The following MAK variants were observed in gnomAD, a reference collection of about 807,000 sequenced individuals.
MAK encodes the protein serine/threonine-protein kinase MAK.
In MAK, 65 loss-of-function variants were observed where a neutral mutation model predicts 82.6. The ratio of observed to expected loss-of-function variants is 0.79; its 90% CI spans 0.64 to 0.97. MAK has a LOEUF of 0.97. Among genes scored for constraint, MAK ranks in the 50% least tolerant of loss-of-function variants. MAK has a pLI of 0.00. For synonymous variants in MAK, 250 were observed against 274.2 expected (o/e 0.91, Z 0.87); for missense variants, 703 against 780.2 (o/e 0.90, Z 1.18).
chr6:10,835,276 G>A (rs529636536), intron 1 of MAK, among the ~76,000 whole-genome samples: 36 of 152,296 alleles, frequency 2.4e-4, no homozygotes, highest in African/African-American at 7.9e-4. Flanking sequence ...CCACCACCCT[G>A]ACCAATCTCC....
At chr6:10,790,260 A>T (rs1309348183) in intron 10 of MAK, among the ~76,000 whole-genome samples, 1 of 152,088 alleles carries the variant, frequency 6.6e-6, no homozygotes, top group Non-Finnish European at 1.5e-5. Flanking sequence ...TTATCCAAGC[A>T]AAAAAAGAAT....
chr6:10,792,115 C>T (rs1191599951), intron 9 of MAK, among the ~76,000 whole-genome samples: 1 of 148,034 alleles, frequency 6.8e-6, no homozygotes, highest in Middle Eastern at 3.2e-3. Flanking sequence ...TCTTCATTGA[C>T]AGGAAGGATC....
At chr6:10,765,493 C>T (rs1772340401) in intron 14 of MAK, among the ~76,000 whole-genome samples, 2 of 141,958 alleles carry the variant, frequency 1.4e-5, no homozygotes. Flanking sequence ...GAGTTTCGCC[C>T]TTGTTGCCCA....
chr6:10,770,501 C>T (rs1388777962), intron 13 of MAK, among the ~76,000 whole-genome samples: 1 of 152,138 alleles, frequency 6.6e-6, no homozygotes, highest in Non-Finnish European at 1.5e-5. Context: ...GGTCTGAACT[C>T]AAGGCCCAGG....
rs568437809 is a variant in MAK at position 10,783,681 on chromosome 6, T to C, written c.1465+743A>G. Among the ~76,000 whole-genome samples the C allele has an allele frequency of 2.2e-4, 34 of 152,294 alleles. 2 individuals carry two copies. The South Asian group carries it at 7.0e-3, about 32-fold the overall frequency. Reference sequence around the variant, plus strand: ...TCTTAGCCAGTGTCTTTGCCTCTCTTGAGTTCCCAGCATGCTCTTCCGAGC... The same window carrying C: ...TCTTAGCCAGTGTCTTTGCCTCTCTCGAGTTCCCAGCATGCTCTTCCGAGC... On this transcript the variant is annotated intron_variant, in intron 11 of 14. Coordinates refer to ENST00000354489, the MANE Select transcript of MAK (RefSeq NM_001242957.3).
At chr6:10,817,779 GTA>G (rs1777606788) in intron 4 of MAK, 69 bp downstream of exon 4, 9 of 1,221,578 alleles carry the variant, frequency 7.4e-6, no homozygotes, top group Non-Finnish European at 2.3e-6. Context: ...CTCTCATAAA[GTA>G]TGACATATCA....
At chr6:10,804,618 C>T (rs1481116786) in intron 6 of MAK, among the ~76,000 whole-genome samples, 1 of 152,200 alleles carries the variant, frequency 6.6e-6, no homozygotes, top group African/African-American at 2.4e-5. Context: ...GCTGAGATTA[C>T]AGGCATGAGC....
intron 5 of MAK, among the ~76,000 whole-genome samples, chr6:10,811,926 G>T (rs1340383386): frequency 1.3e-5 from 2 of 152,198 alleles, no homozygotes; most frequent in Non-Finnish European, 2.9e-5. Flanking sequence ...GAGGATGGGT[G>T]TGATGGCTCC....
At chr6:10,774,861 T>G (rs888910444) in intron 12 of MAK, among the ~76,000 whole-genome samples, 1 of 152,252 alleles carries the variant, frequency 6.6e-6, no homozygotes, top group Non-Finnish European at 1.5e-5. Flanking sequence ...GTGAGAAGTC[T>G]TCTTTTCAGA....
intron 8 of MAK, 72 bp from the exon 9 acceptor site, chr6:10,796,381 G>T (rs1366609217): frequency 7.6e-7 from 1 of 1,307,310 alleles, no homozygotes; most frequent in Non-Finnish European, 1.1e-6. Flanking sequence ...AACTATGGTT[G>T]GCCCTGTGCG....
At chr6:10,823,317 T>C (rs1307156949) in intron 2 of MAK, among the ~76,000 whole-genome samples, 1 of 152,200 alleles carries the variant, frequency 6.6e-6, no homozygotes, top group Admixed American at 6.5e-5. Context: ...ACATGGAACT[T>C]GTTAAATTCC....
intron 11 of MAK, among the ~76,000 whole-genome samples, chr6:10,781,833 C>T (rs1481632809): frequency 1.3e-5 from 2 of 152,020 alleles, no homozygotes; most frequent in Non-Finnish European, 2.9e-5. Context: ...ACAAACAAGA[C>T]CCAGGTTTTT....
In MAK at chr6:10,801,953, G is replaced by A. The variant is rs1320693719; in HGVS notation, c.770C>T (p.Ala257Val). The part of the protein sequence containing the change: ...KTLIPNASNE[A>V]IQLMTEMLNW... The stretch of plus-strand genomic sequence containing the variant: ...CAACATTTCGGTCATGAGCTGAATA[G>A]CTTCATTACTGGCATTGGGAATAAG... The change falls in exon 8 of 15, where the codon GCT becomes GTT. Residue 257 changes from alanine (A) to valine (V), a missense_variant. Ala to Val is a moderately conservative substitution (Grantham distance 64, BLOSUM62 0). Transcript: ENST00000354489. 1.2e-6 allele frequency: 2 copies of A among 1,613,960 alleles called. No individual in the cohort carries two copies. Among genetic ancestry groups the A allele is most frequent in the South Asian group, 1.1e-5 (1 of 91,074 alleles).
At position 10,773,035 on chromosome 6, in the gene MAK, T is replaced by C. The variant is rs552111002; in HGVS notation, c.1671A>G (p.Gln557=). Residue 557 remains glutamine, a splice_region_variant and synonymous_variant, in exon 13 of 15, where the codon CAA becomes CAG. Coordinates refer to ENST00000354489, the MANE Select transcript of MAK (RefSeq NM_001242957.3). The part of the protein sequence containing the change: ...ETFPEKLEDP[Q]GNLGSYATYN... ...ATTCATCTGACGCCCAGAAATTACC[T>C]TGTGGGTCCTCTAATTTTTCAGGAA... 6.8e-5 allele frequency: 104 copies of C among 1,526,696 alleles called. No individual in the cohort carries two copies. Among genetic ancestry groups the C allele is most frequent in the Non-Finnish European group, 8.4e-5 (96 of 1,138,684 alleles). The allele number at this position is 1,526,696 out of a possible 1,614,324, so 94.6% of individuals were successfully genotyped here. A position where few individuals can be genotyped will look rare whatever the true frequency, so the allele number is the denominator to read the frequency against.
At chr6:10,814,195 C>G (rs1360911307) in intron 4 of MAK, among the ~76,000 whole-genome samples, 1 of 151,924 alleles carries the variant, frequency 6.6e-6, no homozygotes, top group Non-Finnish European at 1.5e-5. Flanking sequence ...TCTTGAACTC[C>G]TGACCTCAGG....
intron 11 of MAK, among the ~76,000 whole-genome samples, chr6:10,778,572 G>A (rs1181233277): frequency 6.6e-6 from 1 of 152,114 alleles, no homozygotes; most frequent in Non-Finnish European, 1.5e-5. Context: ...GATCCTTGAA[G>A]AGGCAACAGT....
chr6:10,775,180 G>T, intron 12 of MAK, 148 bp downstream of exon 12: 1 of 861,408 alleles, frequency 1.2e-6, no homozygotes, highest in Non-Finnish European at 1.9e-6. Flanking sequence ...AGCAGAGCAG[G>T]GCTACCCATA....
chr6:10,771,010 G>T (rs144325458), intron 13 of MAK, among the ~76,000 whole-genome samples: 77 of 151,888 alleles, frequency 5.1e-4, no homozygotes, highest in African/African-American at 1.6e-3. Flanking sequence ...GGTGACTGGG[G>T]GGTGCGTTGT....
intron 11 of MAK, among the ~76,000 whole-genome samples, chr6:10,775,683 G>A (rs1336230024): frequency 2.6e-5 from 4 of 152,288 alleles, no homozygotes; most frequent in South Asian, 2.1e-4. Flanking sequence ...ATAGGCAGAA[G>A]ATATTTTCTA....
Sources: gnomAD v4.1 joint callset for allele counts (sites outside exome capture counted in the v4.1 genomes callset) on GRCh38, gnomAD v4.1.1 for gene constraint, MANE v1.5 for transcripts, NCBI Gene and HGNC (gene_info 2026-07-23, HGNC 2026-07-21) for gene names.